SOX6: variants seen among roughly 807,000 people sequenced by gnomAD.
SOX6 encodes the protein transcription factor SOX-6.
Under a neutral mutation model 97.8 loss-of-function variants are expected in SOX6, and 11 were observed. That is an observed-to-expected ratio of 0.11 (90% CI 0.07 to 0.19). The LOEUF (loss-of-function observed/expected upper bound fraction) is 0.19, where lower values mean the gene tolerates loss of function less well. Among genes scored for constraint, SOX6 ranks in the 10% least tolerant of loss-of-function variants. The pLI, the probability that SOX6 is intolerant of heterozygous loss-of-function variation, is 1.00. For synonymous variants in SOX6, 360 were observed against 371.4 expected (o/e 0.97, Z 0.35); for missense variants, 810 against 1,039.5 (o/e 0.78, Z 3.04).
rs192139335 is a variant in SOX6 at position 16,718,754 on chromosome 11, G to A, written n.354-3849C>T. ...TCTTCAGTGTATATGCATTGTTTGT[G>A]ACAAGGGAAAATATTACTCTTCATT... On this transcript the variant is annotated intron_variant and non_coding_transcript_variant, in intron 2 of 5. Coordinates refer to the SOX6 transcript ENST00000524520. Among the ~76,000 whole-genome samples, 37 of 151,982 alleles carry A rather than the reference G, an allele frequency of 2.4e-4. No homozygotes were observed. The East Asian group carries it at 6.8e-3, about 28-fold the overall frequency.
chr11:16,152,763 CTTT>C (rs5789940), intron 6 of SOX6, among the ~76,000 whole-genome samples: 9 of 148,214 alleles, frequency 6.1e-5, no homozygotes, highest in Admixed American at 6.7e-5. Flanking sequence ...ATTAGAATTA[CTTT>C]TTTTTTTTTT....
intron 6 of SOX6, among the ~76,000 whole-genome samples, chr11:16,159,877 G>A (rs1490330775): frequency 1.3e-5 from 2 of 152,082 alleles, no homozygotes. Flanking sequence ...GGCAGAATTT[G>A]GAGGACAAGT....
At chr11:16,324,051 G>T (rs1041640673) in intron 2 of SOX6, among the ~76,000 whole-genome samples, 8 of 151,914 alleles carry the variant, frequency 5.3e-5, no homozygotes, top group Admixed American at 3.9e-4. Flanking sequence ...GAGTGTGGGG[G>T]TGCACACTTG....
At chr11:16,264,695 T>G (rs1334616317) in intron 3 of SOX6, 1 of 151,510 alleles carries the variant, frequency 6.6e-6, no homozygotes, top group East Asian at 1.9e-4. Context: ...CAAAATAGAA[T>G]ACCTGTTTCT....
At chr11:16,002,473 A>G (rs1196250153) in intron 13 of SOX6, among the ~76,000 whole-genome samples, 2 of 152,188 alleles carry the variant, frequency 1.3e-5, no homozygotes, top group Non-Finnish European at 2.9e-5. Flanking sequence ...CAACTACAGA[A>G]TCCCAGGGCA....
At chr11:16,701,419 C>T (rs1480718165) in intron 3 of SOX6, among the ~76,000 whole-genome samples, 1 of 151,980 alleles carries the variant, frequency 6.6e-6, no homozygotes, top group African/African-American at 2.4e-5. Context: ...CAGTAACTAT[C>T]GTTACTATTA....
At chr11:16,507,991 T>C (rs1323102802) in intron 4 of SOX6, among the ~76,000 whole-genome samples, 5 of 151,934 alleles carry the variant, frequency 3.3e-5, no homozygotes, top group East Asian at 3.9e-4. Context: ...AATCTGACAA[T>C]GGACCAACAT....
At chr11:16,406,663 ACAAATG>A (rs1481479816) in intron 1 of SOX6, among the ~76,000 whole-genome samples, 2 of 152,240 alleles carry the variant, frequency 1.3e-5, no homozygotes, top group Non-Finnish European at 2.9e-5. Flanking sequence ...AGTCGTGAGG[ACAAATG>A]CCCTATCAAT....
chr11:16,437,548 T>G (rs1859404815), intron 1 of SOX6, among the ~76,000 whole-genome samples: 1 of 152,218 alleles, frequency 6.6e-6, no homozygotes, highest in South Asian at 2.1e-4. Context: ...AAGCTAAGTT[T>G]AAATACTAAG....
intron 15 of SOX6, 42 bp from the exon 16 acceptor site, chr11:15,973,154 T>G: frequency 6.3e-7 from 1 of 1,592,954 alleles, no homozygotes; most frequent in Non-Finnish European, 8.6e-7. Flanking sequence ...GGGAGAAATA[T>G]CTATATATGT....
intron 6 of SOX6, among the ~76,000 whole-genome samples, chr11:16,124,174 T>C (rs375189307): frequency 2.7e-4 from 41 of 152,276 alleles, no homozygotes; most frequent in African/African-American, 7.5e-4. Flanking sequence ...GGTTTTCCCA[T>C]GTGGATACAT....
At chr11:16,113,610 T>C (rs536065303) in intron 6 of SOX6, among the ~76,000 whole-genome samples, 98 of 152,280 alleles carry the variant, frequency 6.4e-4, no homozygotes, top group Non-Finnish European at 6.0e-4. Context: ...TGGGTTACAA[T>C]TGTTCAGTGC....
chr11:16,116,774 A>G (rs1413475392), intron 6 of SOX6, among the ~76,000 whole-genome samples: 1 of 152,192 alleles, frequency 6.6e-6, no homozygotes, highest in African/African-American at 2.4e-5. Flanking sequence ...GCAGCGGGCA[A>G]GCAAGTATTA....
At chr11:16,283,558 C>T (rs1264482526) in intron 3 of SOX6, among the ~76,000 whole-genome samples, 1 of 151,710 alleles carries the variant, frequency 6.6e-6, no homozygotes, top group Admixed American at 6.6e-5. Context: ...CATAAACACA[C>T]AACACTAACA....
At chr11:16,364,498 G>C (rs1857297290) in intron 1 of SOX6, among the ~76,000 whole-genome samples, 2 of 152,200 alleles carry the variant, frequency 1.3e-5, no homozygotes, top group East Asian at 1.9e-4. Context: ...AGGGCAACAA[G>C]ACTGTTCTGG....
intron 3 of SOX6, among the ~76,000 whole-genome samples, chr11:16,621,126 A>G (rs1416982527): frequency 6.6e-6 from 1 of 152,062 alleles, no homozygotes; most frequent in Non-Finnish European, 1.5e-5. Flanking sequence ...TAATTAGGAA[A>G]CTTGTTTTTG....
intron 3 of SOX6, among the ~76,000 whole-genome samples, chr11:16,283,121 G>A (rs1171160432): frequency 1.3e-5 from 1 of 78,060 alleles, no homozygotes; most frequent in Admixed American, 1.2e-4. Context: ...ATATGACTCT[G>A]CTGAGGGTCA....
intron 10 of SOX6, among the ~76,000 whole-genome samples, chr11:16,051,340 G>A (rs1847680484): frequency 6.6e-6 from 1 of 152,000 alleles, no homozygotes; most frequent in African/African-American, 2.4e-5. Flanking sequence ...ATATAACGGG[G>A]GAAAGAATTT....
intron 3 of SOX6, among the ~76,000 whole-genome samples, chr11:16,673,121 G>C (rs1172324176): frequency 6.6e-6 from 1 of 152,002 alleles, no homozygotes; most frequent in East Asian, 1.9e-4. Context: ...AGTGAAAGCA[G>C]TACTAAGAGG....
Sources: gnomAD v4.1 joint callset for allele counts (sites outside exome capture counted in the v4.1 genomes callset) on GRCh38, gnomAD v4.1.1 for gene constraint, MANE v1.5 for transcripts, NCBI Gene and HGNC (gene_info 2026-07-23, HGNC 2026-07-21) for gene names.